The following GPC5 variants were observed in gnomAD, a reference collection of about 807,000 sequenced individuals.
The protein encoded by GPC5 is glypican 5, also known as glypican-5.
A neutral mutation model predicts 53.9 loss-of-function variants in GPC5; 47 were observed. The ratio of observed to expected loss-of-function variants is 0.87; its 90% CI spans 0.69 to 1.11. GPC5 has a LOEUF of 1.11. Ranked by LOEUF, GPC5 falls within the 50% of genes most tolerant of loss-of-function variation. GPC5 has a pLI of 0.00. For synonymous variants in GPC5, 286 were observed against 263.3 expected, an observed-to-expected ratio of 1.09 and a Z score of -0.84; for missense variants, 748 against 713.1, an observed-to-expected ratio of 1.05 and a Z score of -0.56.
intron 7 of GPC5, among the ~76,000 whole-genome samples, chr13:92,785,281 A>G (rs886881454): frequency 1.3e-5 from 2 of 151,818 alleles, no homozygotes; most frequent in African/African-American, 4.9e-5. Flanking sequence ...ATCTCAAAAA[A>G]TAATAAGAAG....
chr13:92,348,568 G>A (rs1183878837), intron 7 of GPC5, among the ~76,000 whole-genome samples: 3 of 152,130 alleles, frequency 2.0e-5, no homozygotes, highest in Admixed American at 6.5e-5. Context: ...CAACATATTA[G>A]ATCAAATGGA....
At chr13:91,643,065 C>T (rs1401411204) in intron 2 of GPC5, among the ~76,000 whole-genome samples, 3 of 152,100 alleles carry the variant, frequency 2.0e-5, no homozygotes, top group Non-Finnish European at 4.4e-5. Flanking sequence ...GTTATTTTTC[C>T]GCTAGCAGTA....
intron 6 of GPC5, among the ~76,000 whole-genome samples, chr13:92,063,854 T>C (rs896176758): frequency 6.6e-6 from 1 of 152,198 alleles, no homozygotes; most frequent in Non-Finnish European, 1.5e-5. Context: ...AGGAATTCCA[T>C]GTATTAATAA....
intron 7 of GPC5, among the ~76,000 whole-genome samples, chr13:92,786,136 C>A (rs2138768116): frequency 6.6e-6 from 1 of 152,148 alleles, no homozygotes; most frequent in East Asian, 1.9e-4. Context: ...CTATAATGAT[C>A]ACACAAAATC....
intron 2 of GPC5, among the ~76,000 whole-genome samples, chr13:91,522,061 TC>T (rs1463432058): frequency 2.6e-5 from 4 of 152,252 alleles, no homozygotes; most frequent in African/African-American, 9.6e-5. Flanking sequence ...CTCTGTGCCC[TC>T]CCCAGGAGTG....
At chr13:92,812,468 G>A (rs773905011) in intron 7 of GPC5, among the ~76,000 whole-genome samples, 1 of 151,584 alleles carries the variant, frequency 6.6e-6, no homozygotes, top group Non-Finnish European at 1.5e-5. Context: ...ACACAGAAAA[G>A]GCATTTTACA....
chr13:91,894,629 A>G (rs770891571), intron 5 of GPC5, among the ~76,000 whole-genome samples: 1 of 152,170 alleles, frequency 6.6e-6, no homozygotes, highest in African/African-American at 2.4e-5. Context: ...GGCATTTTAG[A>G]TGGTTGTGAC....
At chr13:92,590,074 A>G (rs1156561924) in intron 7 of GPC5, among the ~76,000 whole-genome samples, 3 of 152,198 alleles carry the variant, frequency 2.0e-5, no homozygotes, top group African/African-American at 7.2e-5. Flanking sequence ...GAGAGAATGC[A>G]CAAGATCCAG....
At chr13:92,104,656 T>C (rs2041493813) in intron 6 of GPC5, among the ~76,000 whole-genome samples, 1 of 152,032 alleles carries the variant, frequency 6.6e-6, no homozygotes, top group Non-Finnish European at 1.5e-5. Flanking sequence ...GGTAGAGTGC[T>C]AAAAGGGAAA....
At chr13:92,444,715 TAAAAA>T (rs71910602) in intron 7 of GPC5, among the ~76,000 whole-genome samples, 5,271 of 84,256 alleles carry the variant, frequency 0.063, 211 homozygotes, top group African/African-American at 0.16. Flanking sequence ...TCCTGAAATC[TAAAAA>T]AAAAAAAAAA....
At chr13:91,478,795 TTATATA>T (rs757436599) in intron 2 of GPC5, among the ~76,000 whole-genome samples, 23 of 55,370 alleles carry the variant, frequency 4.2e-4, no homozygotes, top group African/African-American at 1.6e-3. Context: ...CCATTTGAGT[TTATATA>T]TATATATATA....
At chr13:92,193,816 CAAG>C (rs1348238323) in intron 7 of GPC5, among the ~76,000 whole-genome samples, 1 of 152,136 alleles carries the variant, frequency 6.6e-6, no homozygotes, top group African/African-American at 2.4e-5. Context: ...TTTTATTGGC[CAAG>C]AAGATTAACC....
intron 7 of GPC5, among the ~76,000 whole-genome samples, chr13:92,290,865 T>C (rs2042989235): frequency 6.6e-6 from 1 of 152,138 alleles, no homozygotes; most frequent in Admixed American, 6.5e-5. Flanking sequence ...GCTGGCTCCC[T>C]TAGCTTGCGG....
chr13:91,952,350 TAAGTA>T (rs971318527), intron 6 of GPC5, among the ~76,000 whole-genome samples: 3 of 152,140 alleles, frequency 2.0e-5, no homozygotes, highest in African/African-American at 7.2e-5. Flanking sequence ...TCAGTGATGT[TAAGTA>T]ATGTACCTGT....
chr13:91,652,286 T>C (rs891483114), intron 2 of GPC5, among the ~76,000 whole-genome samples: 10 of 152,164 alleles, frequency 6.6e-5, no homozygotes. Context: ...GGCACTTTTT[T>C]TTCTTATTTA....
intron 7 of GPC5, among the ~76,000 whole-genome samples, chr13:92,581,422 G>A (rs1203674762): frequency 1.1e-4 from 16 of 152,150 alleles, no homozygotes; most frequent in Non-Finnish European, 1.9e-4. Context: ...AAAGCTGGAA[G>A]GTATTCCATT....
chr13:91,566,863 A>T, intron 2 of GPC5, among the ~76,000 whole-genome samples: 1 of 152,100 alleles, frequency 6.6e-6, no homozygotes, highest in Non-Finnish European at 1.5e-5. Flanking sequence ...CAAAATGTTG[A>T]GTAAATATTC....
At chr13:92,754,656 C>CA (rs566062150) in intron 7 of GPC5, among the ~76,000 whole-genome samples, 141 of 150,284 alleles carry the variant, frequency 9.4e-4, no homozygotes, top group South Asian at 8.3e-3. Flanking sequence ...AAATGGAAAA[C>CA]AAAAAAAGGC....
intron 2 of GPC5, among the ~76,000 whole-genome samples, chr13:91,569,767 G>A (rs2031699278): frequency 6.6e-6 from 1 of 152,056 alleles, no homozygotes; most frequent in Non-Finnish European, 1.5e-5. Flanking sequence ...ATGGCTAAAG[G>A]GAGCTAGCTT....
Sources: allele counts gnomAD v4.1 joint callset (sites outside exome capture counted in the v4.1 genomes callset), GRCh38; gene constraint gnomAD v4.1.1; transcripts MANE v1.5; gene names NCBI Gene and HGNC (gene_info 2026-07-23, HGNC 2026-07-21).